The following PCM1 variants were observed in gnomAD, a reference collection of about 807,000 sequenced individuals.
PCM1 encodes pericentriolar material 1 protein.
In PCM1, 157 loss-of-function variants were observed where a neutral mutation model predicts 241.9. The observed-to-expected ratio is 0.65, with a 90% CI of 0.57 to 0.74. The LOEUF (loss-of-function observed/expected upper bound fraction) is 0.74. PCM1 is among the 30% of genes least tolerant of loss of function. PCM1 has a pLI of 0.00. For missense variants in PCM1, 3,478 were observed against 2,360.1 expected (o/e 1.47, Z -9.81); for synonymous variants, 1,085 against 784.9 (o/e 1.38, Z -6.39).
chr8:17,985,939 G>C lies in PCM1; in HGVS notation c.4282-20G>C. 7.0e-7 allele frequency: 1 copy of C among 1,428,884 alleles called. No homozygotes were observed. Among genetic ancestry groups the C allele is most frequent in the Non-Finnish European group, 9.5e-7 (1 of 1,049,146 alleles). 88.5% of individuals were successfully genotyped at this position (1,428,884 alleles called of 1,614,324 possible). A position where few individuals can be genotyped will look rare whatever the true frequency, so the allele number is the denominator to read the frequency against. ...AGCATGTATGTTTTATATAAATGAT[G>C]ATCTTATTTTCTTATTTAGGACATA... On this transcript the variant is annotated intron_variant, in intron 25 of 38. Coordinates refer to ENST00000325083, the MANE Select transcript of PCM1 (RefSeq NM_006197.4).
At chr8:18,000,828 G>A (rs148194151) in intron 29 of PCM1, among the ~76,000 whole-genome samples, 22 of 152,198 alleles carry the variant, frequency 1.4e-4, no homozygotes, top group African/African-American at 5.1e-4. Flanking sequence ...TCCCTATGTT[G>A]ACCACGCTGA....
intron 5 of PCM1, among the ~76,000 whole-genome samples, chr8:17,939,306 G>C (rs527553194): frequency 6.6e-6 from 1 of 152,162 alleles, no homozygotes; most frequent in Non-Finnish European, 1.5e-5. Context: ...ATAGATTTTT[G>C]TAGGAATTTT....
At chr8:17,936,845 C>T (rs2060580258) in intron 3 of PCM1, among the ~76,000 whole-genome samples, 1 of 152,024 alleles carries the variant, frequency 6.6e-6, no homozygotes. Flanking sequence ...AAAAAATCCT[C>T]TTGGAAATAT....
At chr8:18,020,884 A>G (rs2093695532) in intron 36 of PCM1, among the ~76,000 whole-genome samples, 1 of 152,182 alleles carries the variant, frequency 6.6e-6, no homozygotes, top group Admixed American at 6.5e-5. Flanking sequence ...CCCCATCAGT[A>G]CTGGACCTCT....
At chr8:17,946,713 C>A (rs1409877137) in intron 6 of PCM1, among the ~76,000 whole-genome samples, 1 of 152,104 alleles carries the variant, frequency 6.6e-6, no homozygotes, top group Non-Finnish European at 1.5e-5. Flanking sequence ...TCAGGCTGGT[C>A]TCAAACTCCT....
chr8:17,954,617 G>C (rs2067347139), intron 9 of PCM1, among the ~76,000 whole-genome samples: 1 of 152,086 alleles, frequency 6.6e-6, no homozygotes, highest in African/African-American at 2.4e-5. Context: ...ATAGAATGAG[G>C]AGACTGCTGG....
chr8:17,927,067 T>A (rs527531051), intron 2 of PCM1: 1 of 152,020 alleles, frequency 6.6e-6, no homozygotes, highest in South Asian at 2.1e-4. Flanking sequence ...GAGGTGATTA[T>A]GAGTAATTTA....
intron 24 of PCM1, among the ~76,000 whole-genome samples, chr8:17,984,669 T>C (rs1488842015): frequency 6.6e-6 from 1 of 151,996 alleles, no homozygotes; most frequent in East Asian, 1.9e-4. Flanking sequence ...TGATCTTGTA[T>C]ACTTCTTTGA....
chr8:17,967,160 A>G lies in PCM1; in HGVS notation c.3402A>G (p.Ser1134=), dbSNP rs201223912. 1.2e-5 allele frequency: 19 copies of G among 1,588,866 alleles called. No individual in the cohort carries two copies. In the East Asian group the frequency reaches 3.6e-4, roughly 30 times the overall value. Residue 1134 remains serine (S), a synonymous_variant, in exon 21 of 39, where the codon TCA becomes TCG. Coordinates refer to ENST00000325083, the MANE Select transcript of PCM1 (RefSeq NM_006197.4). The stretch of plus-strand genomic sequence containing the variant: ...TACCTGGATTTACTAACTTTTCATC[A>G]TTTGCACCAGGTAGGTGACTTAACC... ...FNIPGFTNFS[S]FAPGMNFSPL... is the part of the protein sequence containing the mutation.
At chr8:17,998,309 C>T (rs1463276404) in intron 29 of PCM1, among the ~76,000 whole-genome samples, 2 of 152,114 alleles carry the variant, frequency 1.3e-5, no homozygotes, top group African/African-American at 4.8e-5. Flanking sequence ...TTGTAGGCCT[C>T]ACAGTCTGGG....
Position 17,960,103 on chromosome 8 carries a change from A to C in PCM1, c.2130A>C (p.Ser710=). 1 of 1,605,944 alleles carries C rather than the reference A, an allele frequency of 6.2e-7. No homozygotes were observed. Among genetic ancestry groups the C allele is most frequent in the Non-Finnish European group, 8.5e-7 (1 of 1,175,192 alleles). The change falls in exon 14 of 39, where the codon TCA becomes TCC. Residue 710 remains serine, a synonymous_variant. Coordinates refer to ENST00000325083, the MANE Select transcript of PCM1 (RefSeq NM_006197.4). The part of the protein sequence containing the change: ...YPAEEDTKQN[S]NNTRGNANKT... Reference sequence around the variant, plus strand: ...CAGAAGAAGACACCAAGCAAAATTCAAATAACACTAGAGGAAATGCCAATA... The same window carrying C: ...CAGAAGAAGACACCAAGCAAAATTCCAATAACACTAGAGGAAATGCCAATA...
At chr8:17,950,114 C>G (rs2065453465) in intron 7 of PCM1, among the ~76,000 whole-genome samples, 1 of 152,102 alleles carries the variant, frequency 6.6e-6, no homozygotes, top group Admixed American at 6.5e-5. Context: ...TTGCTTTTAC[C>G]TTGTAAAAGC....
Position 17,972,362 on chromosome 8 carries a change from C to G in PCM1, c.3618C>G (p.Ser1206Arg). ...NKKLPEEEVESSRTPWLYEQE... is the reference protein window; with the variant it reads ...NKKLPEEEVERSRTPWLYEQE... Reference sequence around the variant, plus strand: ...AACTGCCTGAAGAGGAGGTGGAAAGCAGTAGGACACCATGGTTATATGAAC... The same window carrying G: ...AACTGCCTGAAGAGGAGGTGGAAAGGAGTAGGACACCATGGTTATATGAAC... Residue 1206 changes from serine (S) to arginine (R), a missense_variant, in exon 23 of 39, where the codon AGC becomes AGG. Transcript: ENST00000325083. The G allele has an allele frequency of 6.4e-7, 1 of 1,552,392 alleles. No homozygotes were observed. The highest frequency in any genetic ancestry group is 8.7e-7 in the Non-Finnish European group (1 of 1,149,688).
chr8:18,019,794 T>A (rs554522025), intron 36 of PCM1, among the ~76,000 whole-genome samples: 1 of 152,296 alleles, frequency 6.6e-6, no homozygotes, highest in East Asian at 1.9e-4. Context: ...TTGGCCTGGT[T>A]CTTAACAGGC....
chr8:18,005,703 C>T (rs796221920), intron 29 of PCM1, among the ~76,000 whole-genome samples: 2 of 152,006 alleles, frequency 1.3e-5, no homozygotes, highest in African/African-American at 4.8e-5. Flanking sequence ...TGATGTTAAC[C>T]CTCAAGACAT....
intron 9 of PCM1, among the ~76,000 whole-genome samples, chr8:17,954,393 C>G (rs1260084755): frequency 6.7e-6 from 1 of 149,102 alleles, no homozygotes; most frequent in East Asian, 2.0e-4. Context: ...TGCCATTGCA[C>G]TCCAGCCTGG....
intron 9 of PCM1, among the ~76,000 whole-genome samples, chr8:17,953,746 G>A (rs1052870672): frequency 7.9e-5 from 12 of 152,064 alleles, no homozygotes; most frequent in Admixed American, 6.6e-4. Context: ...TGCTCCACAC[G>A]TGTTTAACCT....
chr8:18,011,412 A>G, intron 33 of PCM1, 46 bp downstream of exon 33: 1 of 1,440,840 alleles, frequency 6.9e-7, no homozygotes, highest in South Asian at 1.5e-5. Flanking sequence ...AGTTTTTTGT[A>G]GGTCATTTAT....
rs1228107398 is a variant in PCM1 at position 17,963,269 on chromosome 8, C to T, written c.2632C>T (p.Pro878Ser). The T allele has an allele frequency of 3.1e-6, 5 of 1,592,818 alleles. No individual in the cohort carries two copies. The highest frequency in any genetic ancestry group is 1.4e-5 in the African/African-American group (1 of 73,530). ...RSDGSENLCT[P>S]QQSRTEKTMA... ...TGATGGATCTGAGAACCTATGTACTCCTCAGCAAAGTAGAACAGAAAAGTA... is the reference window on the plus strand; with the variant it reads ...TGATGGATCTGAGAACCTATGTACTTCTCAGCAAAGTAGAACAGAAAAGTA... The change falls in exon 17 of 39, where the codon CCT becomes TCT. Residue 878 changes from proline (P) to serine (S), a missense_variant. Transcript: ENST00000325083.
Sources: allele counts gnomAD v4.1 joint callset (sites outside exome capture counted in the v4.1 genomes callset), GRCh38; gene constraint gnomAD v4.1.1; transcripts MANE v1.5; gene names NCBI Gene and HGNC (gene_info 2026-07-23, HGNC 2026-07-21).